ZKSCAN5: variants seen among roughly 807,000 people sequenced by gnomAD.
ZKSCAN5 encodes the protein zinc finger protein with KRAB and SCAN domains 5.
Under a neutral mutation model 60.0 loss-of-function variants are expected in ZKSCAN5, and 28 were observed. That is an observed-to-expected ratio of 0.47 (90% confidence interval 0.35 to 0.64). The LOEUF is 0.64. Among genes scored for constraint, ZKSCAN5 ranks in the 30% least tolerant of loss-of-function variants. ZKSCAN5 has a pLI of 0.01. For synonymous variants in ZKSCAN5, 361 were observed against 371.2 expected, an observed-to-expected ratio of 0.97 and a Z score of 0.31; for missense variants, 881 against 1,034.6, an observed-to-expected ratio of 0.85 and a Z score of 2.04.
rs1307674653 is a variant in ZKSCAN5 at position 99,511,681 on chromosome 7, G to A, written c.415-772G>A. 3.3e-5 allele frequency among the ~76,000 whole-genome samples: 5 copies of A among 152,058 alleles called. No homozygotes were observed. The East Asian group carries it at 5.8e-4, about 18-fold the overall frequency. On this transcript the variant is annotated intron_variant, in intron 2 of 6. Transcript: ENST00000326775. Reference sequence around the variant, plus strand: ...TTGTCTTGAACTCCTGGGCTCAAGCGATCCTCCTGCTTCAGCCTCCGAAAG... The same window carrying A: ...TTGTCTTGAACTCCTGGGCTCAAGCAATCCTCCTGCTTCAGCCTCCGAAAG...
Position 99,533,376 on chromosome 7 carries a change from T to C in ZKSCAN5, c.*1127T>C. 1 of 587,784 alleles carries C rather than the reference T, an allele frequency of 1.7e-6. No individual in the cohort carries two copies. The highest frequency in any genetic ancestry group is 2.0e-5 in the South Asian group (1 of 50,738). The allele number at this position is 587,784 out of a possible 1,614,324, so 36.4% of individuals were successfully genotyped here. Reference sequence around the variant, plus strand: ...GAGCCTGTTTGCTAGGGAGAGTGAGTGAGTGCTCTTGGGCACTGCTCAGGC... The same window carrying C: ...GAGCCTGTTTGCTAGGGAGAGTGAGCGAGTGCTCTTGGGCACTGCTCAGGC... On this transcript the variant is annotated 3_prime_UTR_variant, in exon 7 of 7. Coordinates refer to ENST00000326775, the MANE Select transcript of ZKSCAN5 (RefSeq NM_145102.4).
At chr7:99,530,821 C>T (rs1802007320) in intron 6 of ZKSCAN5, among the ~76,000 whole-genome samples, 1 of 152,138 alleles carries the variant, frequency 6.6e-6, no homozygotes, top group Non-Finnish European at 1.5e-5. Flanking sequence ...CTTTGGGAGG[C>T]TGAGGCGGGT....
intron 6 of ZKSCAN5, 116 bp downstream of exon 6, chr7:99,526,534 C>G: frequency 6.9e-7 from 1 of 1,454,708 alleles, no homozygotes; most frequent in Non-Finnish European, 9.2e-7. Context: ...TAGGAAGAGG[C>G]AAAGGTTATC....
In ZKSCAN5 at chr7:99,533,500, A is replaced by T. The variant is rs1562920886; in HGVS notation, c.*1251A>T. ...GGTGCCCTGTCCAGTCCCCTCTACC[A>T]AGCTGAGACCCCCATCCCCAGCTGC... On this transcript the variant is annotated 3_prime_UTR_variant, in exon 7 of 7. Transcript: ENST00000326775. 14 of 416,412 alleles carry T rather than the reference A, an allele frequency of 3.4e-5. No individual in the cohort carries two copies. In the South Asian group the frequency reaches 4.9e-4, roughly 14 times the overall value. 25.8% of individuals were successfully genotyped at this position (416,412 alleles called of 1,614,324 possible).
chr7:99,521,069 C>T (rs1222272229), intron 5 of ZKSCAN5, among the ~76,000 whole-genome samples: 1 of 152,180 alleles, frequency 6.6e-6, no homozygotes, highest in African/African-American at 2.4e-5. Context: ...AAAATCTCAG[C>T]ACTCCTGCAA....
chr7:99,520,179 A>C lies in ZKSCAN5; in HGVS notation c.647A>C (p.Lys216Thr). ...GATCTCCTGTTTCAGAAGTTGGTGA[A>C]AATTGAAGAGGTGGCTGATGTGGCT... is the stretch of plus-strand genomic sequence containing the variant. ...LLSTGSQKLVKIEEVADVAVS... is the reference protein window; with the variant it reads ...LLSTGSQKLVTIEEVADVAVS... Residue 216 changes from lysine to threonine, a missense_variant, in exon 5 of 7, where the codon AAA becomes ACA. This residue lies in a region of ZKSCAN5 where 490 missense variants were observed against 554.5 expected (regional missense o/e 0.88). Transcript: ENST00000326775. The C allele has an allele frequency of 4.3e-6, 7 of 1,612,864 alleles. No homozygotes were observed. Among genetic ancestry groups the C allele is most frequent in the Non-Finnish European group, 5.9e-6 (7 of 1,179,758 alleles).
chr7:99,515,267 C>A (rs981419257), intron 3 of ZKSCAN5, among the ~76,000 whole-genome samples: 1 of 150,836 alleles, frequency 6.6e-6, no homozygotes, highest in Non-Finnish European at 1.5e-5. Context: ...ATTATCCAGG[C>A]GTGGTGGTAC....
chr7:99,533,836 C>T lies in ZKSCAN5; in HGVS notation c.*1587C>T, dbSNP rs1802155461. On this transcript the variant is annotated 3_prime_UTR_variant, in exon 7 of 7. Coordinates refer to ENST00000326775, the MANE Select transcript of ZKSCAN5 (RefSeq NM_145102.4). The stretch of plus-strand genomic sequence containing the variant: ...CACTGTCAATCACATGGTTCTGAAT[C>T]CCTGTCTCAGGCTCTGCTTTAGAGA... The T allele has an allele frequency of 2.6e-6, 1 of 388,184 alleles. No individual in the cohort carries two copies. Among genetic ancestry groups the T allele is most frequent in the Non-Finnish European group, 4.5e-6 (1 of 220,136 alleles). 24.0% of individuals were successfully genotyped at this position (388,184 alleles called of 1,614,324 possible). A position where few individuals can be genotyped will look rare whatever the true frequency, so the allele number is the denominator to read the frequency against.
intron 3 of ZKSCAN5, among the ~76,000 whole-genome samples, chr7:99,519,604 G>A (rs1801429615): frequency 6.6e-6 from 1 of 152,098 alleles, no homozygotes. Flanking sequence ...TAGCGGAAAG[G>A]CAAGCAGGGA....
rs181258325 is a variant in ZKSCAN5 at position 99,517,914 on chromosome 7, C to T, written c.554-1913C>T. 1.9e-3 allele frequency among the ~76,000 whole-genome samples: 282 copies of T among 151,884 alleles called. 1 individual carries two copies. Among genetic ancestry groups the T allele is most frequent in the Non-Finnish European group, 2.9e-3 (198 of 67,982 alleles). On this transcript the variant is annotated intron_variant, in intron 3 of 6. Transcript: ENST00000326775. ...ATTCAAAGCCATCCTGGGCCACGGG[C>T]CGTGGGTTGGGCAAGCTTGCATTAG...
At chr7:99,530,990 G>C in intron 6 of ZKSCAN5, 118 bp from the exon 7 acceptor site, 1 of 895,144 alleles carries the variant, frequency 1.1e-6, no homozygotes, top group Non-Finnish European at 1.7e-6. Flanking sequence ...CCAGGAGGCA[G>C]AGGTTGCAGT....
Position 99,520,222 on chromosome 7 carries a change from G to T in ZKSCAN5, c.690G>T (p.Glu230Asp), listed in dbSNP as rs755373954. 6.2e-7 allele frequency: 1 copy of T among 1,614,154 alleles called. No individual in the cohort carries two copies. The highest frequency in any genetic ancestry group is 1.1e-5 in the South Asian group (1 of 91,078). Residue 230 changes from glutamate (E) to aspartate (D), a missense_variant, in exon 5 of 7, where the codon GAG (glutamate) becomes GAT (aspartate). Physicochemically the swap from Glu to Asp is conservative, Grantham distance 45. This residue lies in a region of ZKSCAN5 where 490 missense variants were observed against 554.5 expected (regional missense o/e 0.88). Transcript: ENST00000326775. ...ATGTGGCTGTATCCTTCATCCTGGAGGAATGGGGGCATTTGGACCAGTCCC... is the reference window on the plus strand; with the variant it reads ...ATGTGGCTGTATCCTTCATCCTGGATGAATGGGGGCATTTGGACCAGTCCC... ...VADVAVSFIL[E>D]EWGHLDQSQK...
chr7:99,512,499 G>A lies in ZKSCAN5; in HGVS notation c.461G>A (p.Gly154Glu). 6.2e-7 allele frequency: 1 copy of A among 1,613,968 alleles called. No homozygotes were observed. Among genetic ancestry groups the A allele is most frequent in the African/African-American group, 1.3e-5 (1 of 75,032 alleles). ...CTTCCTCGGAAGATGGCAACACCTG[G>A]AGCAGTGCAGGAGTCCTGCAGCCCC... is the stretch of plus-strand genomic sequence containing the variant. The part of the protein sequence containing the change: ...DVLPRKMATP[G>E]AVQESCSPHP... The change falls in exon 3 of 7, where the codon GGA (glycine) becomes GAA (glutamate). Residue 154 changes from glycine (G) to glutamate (E), a missense_variant. Transcript: ENST00000326775.
At chr7:99,509,429 T>C (rs1800916974) in intron 2 of ZKSCAN5, among the ~76,000 whole-genome samples, 1 of 150,354 alleles carries the variant, frequency 6.7e-6, no homozygotes, top group Admixed American at 6.6e-5. Context: ...TGACCATATC[T>C]GTGAAATTTC....
At chr7:99,527,836 C>T (rs1366838099) in intron 6 of ZKSCAN5, among the ~76,000 whole-genome samples, 1 of 152,100 alleles carries the variant, frequency 6.6e-6, no homozygotes, top group Non-Finnish European at 1.5e-5. Context: ...AGGCATTTGC[C>T]ACCATACCTG....
intron 5 of ZKSCAN5, among the ~76,000 whole-genome samples, chr7:99,525,152 T>A (rs918148575): frequency 2.1e-5 from 3 of 144,190 alleles, no homozygotes; most frequent in East Asian, 2.0e-4. Context: ...GGTGGCAGAG[T>A]GAGACTCCGT....
At chr7:99,507,770 G>A (rs1188156718) in intron 2 of ZKSCAN5, among the ~76,000 whole-genome samples, 1 of 151,614 alleles carries the variant, frequency 6.6e-6, no homozygotes, top group Non-Finnish European at 1.5e-5. Flanking sequence ...GCTGGGTGTG[G>A]TGGCATGCAC....
chr7:99,509,616 G>A (rs1392047642), intron 2 of ZKSCAN5, among the ~76,000 whole-genome samples: 2 of 151,074 alleles, frequency 1.3e-5, no homozygotes, highest in Non-Finnish European at 2.9e-5. Flanking sequence ...ACAGGCACAC[G>A]CCACCATGCC....
chr7:99,508,107 G>C (rs980244782), intron 2 of ZKSCAN5, among the ~76,000 whole-genome samples: 5 of 151,606 alleles, frequency 3.3e-5, no homozygotes, highest in Admixed American at 2.0e-4. Context: ...AGACCATCCT[G>C]GCCAACATGG....
Sources: gnomAD v4.1 joint callset for allele counts (sites outside exome capture counted in the v4.1 genomes callset) on GRCh38, gnomAD v4.1.1 for gene constraint, gnomAD v4.1.1 regional missense constraint, MANE v1.5 for transcripts, NCBI Gene and HGNC (gene_info 2026-07-23, HGNC 2026-07-21) for gene names.